NR2E1: variants seen among roughly 807,000 people sequenced by gnomAD.
The protein encoded by NR2E1 is nuclear receptor subfamily 2 group E member 1.
Under a neutral mutation model 43.6 loss-of-function variants are expected in NR2E1, and 5 were observed. The observed-to-expected ratio is 0.11, with a 90% CI of 0.06 to 0.24. The LOEUF (loss-of-function observed/expected upper bound fraction) is 0.24. NR2E1 is among the 10% of genes least tolerant of loss of function. NR2E1 has a pLI of 1.00. For missense variants in NR2E1, 287 were observed against 496.7 expected (o/e 0.58, Z 4.01); for synonymous variants, 191 against 195.5 (o/e 0.98, Z 0.19).
intron 5 of NR2E1, among the ~76,000 whole-genome samples, chr6:108,179,492 C>CTG (rs34907033): frequency 0.12 from 15,791 of 131,202 alleles, 1,046 homozygotes; most frequent in Admixed American, 0.19. Flanking sequence ...TAACCACTTC[C>CTG]TGTGTGTGTG....
intron 1 of NR2E1, chr6:108,168,260 T>G: frequency 2.4e-6 from 3 of 1,266,884 alleles, no homozygotes; most frequent in South Asian, 3.2e-5. Context: ...GAGCCTCCGT[T>G]GCAAAAACTG....
intron 2 of NR2E1, among the ~76,000 whole-genome samples, chr6:108,171,831 A>G (rs1340957711): frequency 6.6e-6 from 1 of 152,190 alleles, no homozygotes; most frequent in African/African-American, 2.4e-5. Flanking sequence ...CTGAAGTCCT[A>G]GAGCCTCCCT....
Position 108,170,149 on chromosome 6 carries a change from C to T in NR2E1, c.26-1309C>T, listed in dbSNP as rs554478222. 9.1e-4 allele frequency among the ~76,000 whole-genome samples: 138 copies of T among 152,278 alleles called. 1 individual carries two copies. Among genetic ancestry groups the T allele is most frequent in the Non-Finnish European group, 1.3e-3 (86 of 68,024 alleles). Reference sequence around the variant, plus strand: ...TCGCCCAGACGTTCCACTGCCGCCCCTTCCCACCTCAATCCCATCGTAGTC... The same window carrying T: ...TCGCCCAGACGTTCCACTGCCGCCCTTTCCCACCTCAATCCCATCGTAGTC... On this transcript the variant is annotated intron_variant, in intron 1 of 8. Transcript: ENST00000368986.
rs1773965261 is a variant in NR2E1, at chr6:108,180,413, G to A, written c.733G>A (p.Val245Ile). 1 of 1,600,242 alleles carries A rather than the reference G, an allele frequency of 6.2e-7. No individual in the cohort carries two copies. Among genetic ancestry groups the A allele is most frequent in the Non-Finnish European group, 8.6e-7 (1 of 1,167,464 alleles). ...GGTTGATGCTAACACTCTACTGGCT[G>A]TATCTGGTAAGAATTGCACAATTTA... ...IPVDANTLLA[V>I]SGMNGDNTDS... is the part of the protein sequence containing the mutation. Residue 245 changes from valine to isoleucine, a missense_variant, in exon 6 of 9, where the codon GTA becomes ATA. By Grantham distance (29) the Val-to-Ile change is conservative (BLOSUM62 3). This residue lies in a region of NR2E1 where 119 missense variants were observed against 187.0 expected (regional missense o/e 0.64). Transcript: ENST00000368986. The surrounding 1 kb of genome is among the most constrained non-coding windows in gnomAD (Gnocchi z 5.4).
chr6:108,175,674 A>G (rs1773884983), intron 3 of NR2E1, among the ~76,000 whole-genome samples: 2 of 152,104 alleles, frequency 1.3e-5, no homozygotes, highest in Admixed American at 6.5e-5. Context: ...GGGCGAGGGT[A>G]ATGGGCTGGA....
At chr6:108,178,895 TA>T (rs1773942758) in intron 5 of NR2E1, 1 of 157,146 alleles carries the variant, frequency 6.4e-6, no homozygotes, top group African/African-American at 2.4e-5. Flanking sequence ...TGAAACATTG[TA>T]TTGTACTGAG....
intron 8 of NR2E1, among the ~76,000 whole-genome samples, chr6:108,182,644 C>T (rs139052702): frequency 0.022 from 3,264 of 149,776 alleles, 53 homozygotes; most frequent in Middle Eastern, 0.079. Flanking sequence ...CTGCAACCTT[C>T]GCCTTCCGGG....
chr6:108,186,820 G>A (rs1449157639), intron 8 of NR2E1, among the ~76,000 whole-genome samples: 1 of 152,136 alleles, frequency 6.6e-6, no homozygotes, highest in Non-Finnish European at 1.5e-5. Flanking sequence ...ATTCCTGAGA[G>A]AGACTAAGTA....
intron 8 of NR2E1, among the ~76,000 whole-genome samples, chr6:108,183,169 A>G (rs1442372343): frequency 6.6e-6 from 1 of 152,122 alleles, no homozygotes; most frequent in South Asian, 2.1e-4. Flanking sequence ...GCTCCAACAA[A>G]GCTCCTCCTG....
At chr6:108,186,623 T>C (rs1774080342) in intron 8 of NR2E1, among the ~76,000 whole-genome samples, 1 of 152,206 alleles carries the variant, frequency 6.6e-6, no homozygotes. Flanking sequence ...CTTGCAGGCA[T>C]CTAAAGGCAG....
Position 108,168,170 on chromosome 6 carries a change from G to A in NR2E1, c.25+1380G>A, listed in dbSNP as rs757362994. 3.2e-6 allele frequency: 5 copies of A among 1,574,878 alleles called. No individual in the cohort carries two copies. The East Asian group carries it at 1.1e-4, about 36-fold the overall frequency. The stretch of plus-strand genomic sequence containing the variant: ...TGTTGGAATCTCCAGGAGGTAAAGC[G>A]ACCTCGATTTTTGTTGCCCGCATTC... On this transcript the variant is annotated intron_variant, in intron 1 of 8. Coordinates refer to ENST00000368986, the MANE Select transcript of NR2E1 (RefSeq NM_003269.5).
chr6:108,186,021 G>A, intron 8 of NR2E1, among the ~76,000 whole-genome samples: 1 of 152,202 alleles, frequency 6.6e-6, no homozygotes, highest in East Asian at 1.9e-4. Context: ...CCTGGTCCTG[G>A]GAAGGGAAAT....
rs1350334050 is a variant in NR2E1, at chr6:108,188,611, C to T, written c.*1148C>T. 6.6e-6 allele frequency: 1 copy of T among 151,082 alleles called. No homozygotes were observed. The highest frequency in any genetic ancestry group is 1.5e-5 in the Non-Finnish European group (1 of 67,906). 9.4% of individuals were successfully genotyped at this position (151,082 alleles called of 1,614,324 possible). On this transcript the variant is annotated 3_prime_UTR_variant, in exon 9 of 9. Coordinates refer to ENST00000368986, the MANE Select transcript of NR2E1 (RefSeq NM_003269.5). ...CTCTATACTTATGGAAATGTAGAAA[C>T]AAACATTTTTAAATAGCTGCTGTAC...
chr6:108,184,779 G>A (rs1011645794), intron 8 of NR2E1, among the ~76,000 whole-genome samples: 8 of 152,056 alleles, frequency 5.3e-5, no homozygotes, highest in African/African-American at 1.7e-4. Context: ...GGCAAGTAAA[G>A]TACATCTCCC....
In NR2E1 at chr6:108,174,846, C is replaced by G; in HGVS notation, c.182C>G (p.Pro61Arg). 6.2e-7 allele frequency: 1 copy of G among 1,614,012 alleles called. No individual in the cohort carries two copies. Among genetic ancestry groups the G allele is most frequent in the Non-Finnish European group, 8.5e-7 (1 of 1,179,962 alleles). ...VCKSGNQGGC[P>R]VDKTHRNQCR... ...TGCTCTCTGTTCCAGGGAGGCTGTC[C>G]GGTGGACAAGACGCACAGAAACCAG... Residue 61 changes from proline to arginine, a missense_variant, in exon 3 of 9, where the codon CCG becomes CGG. Physicochemically the swap from Pro to Arg is moderately radical, Grantham distance 103. Transcript: ENST00000368986.
chr6:108,172,280 A>T (rs939443828), intron 2 of NR2E1, among the ~76,000 whole-genome samples: 3 of 152,194 alleles, frequency 2.0e-5, no homozygotes, highest in African/African-American at 7.2e-5. Context: ...AGAAGAGAAG[A>T]TTCAAAAGGA....
Position 108,176,701 on chromosome 6 carries a change from G to C in NR2E1, c.458G>C (p.Arg153Pro), listed in dbSNP as rs1309308073. 1.9e-6 allele frequency: 3 copies of C among 1,591,850 alleles called. No homozygotes were observed. In the African/African-American group the frequency reaches 4.0e-5, roughly 21 times the overall value. ...GCCGCGGTGTCCACCACTCCAGAGCGGCAGACCCTCGTGAGCCTGGCTCAG... is the reference window on the plus strand; with the variant it reads ...GCCGCGGTGTCCACCACTCCAGAGCCGCAGACCCTCGTGAGCCTGGCTCAG... The part of the protein sequence containing the change: ...ELAAVSTTPE[R>P]QTLVSLAQPT... The change falls in exon 4 of 9, where the codon CGG becomes CCG. Residue 153 changes from arginine (R) to proline (P), a missense_variant. Coordinates refer to ENST00000368986, the MANE Select transcript of NR2E1 (RefSeq NM_003269.5).
At chr6:108,170,296 T>A (rs976146430) in intron 1 of NR2E1, among the ~76,000 whole-genome samples, 6 of 152,216 alleles carry the variant, frequency 3.9e-5, no homozygotes, top group African/African-American at 1.4e-4. Flanking sequence ...ATAAGTCAAT[T>A]GTTATCAACT....
chr6:108,185,601 G>T (rs1465915184), intron 8 of NR2E1, among the ~76,000 whole-genome samples: 2 of 152,084 alleles, frequency 1.3e-5, no homozygotes, highest in Non-Finnish European at 2.9e-5. Context: ...TGTTGCCCAG[G>T]CTCATCTTGA....
Sources: allele counts gnomAD v4.1 joint callset (sites outside exome capture counted in the v4.1 genomes callset), GRCh38; gene constraint gnomAD v4.1.1; regional missense constraint gnomAD v4.1.1; non-coding constraint Gnocchi (gnomAD v3.1); transcripts MANE v1.5; gene names NCBI Gene and HGNC (gene_info 2026-07-23, HGNC 2026-07-21).